The following RNF138 variants were observed in gnomAD, a reference collection of about 807,000 sequenced individuals.
The protein encoded by RNF138 is E3 ubiquitin-protein ligase RNF138.
A neutral mutation model predicts 31.0 loss-of-function variants in RNF138; 12 were observed. The observed-to-expected ratio is 0.39, with a 90% CI of 0.25 to 0.63. The LOEUF is 0.63. RNF138 is among the 20% of genes least tolerant of loss of function. The pLI, the probability that RNF138 is intolerant of heterozygous loss-of-function variation, is 0.52. For missense variants in RNF138, 192 were observed against 300.1 expected (o/e 0.64, Z 2.66); for synonymous variants, 105 against 99.5 (o/e 1.06, Z -0.33).
intron 6 of RNF138, among the ~76,000 whole-genome samples, chr18:32,126,360 G>A (rs1472208132): frequency 6.6e-6 from 1 of 152,202 alleles, no homozygotes; most frequent in African/African-American, 2.4e-5. Context: ...GATCAAATGA[G>A]ATAATATATT....
At chr18:32,096,889 C>A (rs1347543874) in intron 2 of RNF138, among the ~76,000 whole-genome samples, 1 of 152,082 alleles carries the variant, frequency 6.6e-6, no homozygotes, top group Non-Finnish European at 1.5e-5. Context: ...CACCACCATG[C>A]CTGGCTATTA....
rs1021755002 is a variant in RNF138, at chr18:32,130,811, A to AACAT, written c.*1627_*1630dup. ...ACAAGAAAAGCCATACATCTTAATGAACATACGCCTTTGTTCTGTCATTTT... is the reference window on the plus strand; with the variant it reads ...ACAAGAAAAGCCATACATCTTAATGAACATACATACGCCTTTGTTCTGTCATTTT... On this transcript the variant is annotated 3_prime_UTR_variant, in exon 8 of 8. Transcript: ENST00000261593. 1 of 152,520 alleles carries AACAT rather than the reference A, an allele frequency of 6.6e-6. No homozygotes were observed. The highest frequency in any genetic ancestry group is 1.5e-5 in the Non-Finnish European group (1 of 67,918). 9.4% of individuals were successfully genotyped at this position (152,520 alleles called of 1,614,324 possible). A position where few individuals can be genotyped will look rare whatever the true frequency, so the allele number is the denominator to read the frequency against.
chr18:32,102,404 T>G (rs2039959500), intron 2 of RNF138, among the ~76,000 whole-genome samples: 1 of 151,438 alleles, frequency 6.6e-6, no homozygotes, highest in Admixed American at 6.6e-5. Flanking sequence ...GGTTTCACCA[T>G]GTTAGCTGGG....
At chr18:32,129,091 C>G in intron 7 of RNF138, 28 bp from the exon 8 acceptor site, 1 of 1,508,762 alleles carries the variant, frequency 6.6e-7, no homozygotes, top group Non-Finnish European at 9.2e-7. Flanking sequence ...TATGTTTTTC[C>G]TGTTGACATG....
rs546017100 is a variant in RNF138, at chr18:32,112,553, C to T, written c.276+634C>T. ...ATAAAAAATCAGCCAGGTGTGGTGG[C>T]GCATGCCTATAATCCCAGCTACTTG... On this transcript the variant is annotated intron_variant, in intron 3 of 7. Transcript: ENST00000261593. Among the ~76,000 whole-genome samples the T allele has an allele frequency of 5.4e-4, 82 of 152,202 alleles. 2 individuals carry two copies. The highest frequency in any genetic ancestry group is 6.8e-3 in the Middle Eastern group (2 of 294).
chr18:32,105,051 A>C (rs2040006233), intron 2 of RNF138, among the ~76,000 whole-genome samples: 1 of 152,200 alleles, frequency 6.6e-6, no homozygotes, highest in South Asian at 2.1e-4. Flanking sequence ...GTATTATTAA[A>C]TTAAAAATAT....
At chr18:32,115,780 C>T (rs1284619806) in intron 4 of RNF138, among the ~76,000 whole-genome samples, 3 of 152,070 alleles carry the variant, frequency 2.0e-5, no homozygotes, top group Non-Finnish European at 4.4e-5. Flanking sequence ...CACGCACGCA[C>T]ACACACACTT....
At chr18:32,126,488 T>G (rs955233292) in intron 6 of RNF138, among the ~76,000 whole-genome samples, 9 of 152,210 alleles carry the variant, frequency 5.9e-5, no homozygotes, top group Non-Finnish European at 8.8e-5. Context: ...GAATAGAATG[T>G]CTAAGATTTC....
At chr18:32,122,927 A>T (rs1303464902) in intron 4 of RNF138, among the ~76,000 whole-genome samples, 10 of 152,234 alleles carry the variant, frequency 6.6e-5, no homozygotes, top group African/African-American at 2.4e-4. Context: ...TTCCCTCAGG[A>T]TTCCTCTGAT....
At chr18:32,111,723 TG>T in intron 2 of RNF138, 30 bp from the exon 3 acceptor site, 1 of 1,573,332 alleles carries the variant, frequency 6.4e-7, no homozygotes, top group African/African-American at 1.4e-5. Flanking sequence ...TAATTTTTTT[TG>T]TAATTAATGT....
intron 3 of RNF138, 43 bp downstream of exon 3, chr18:32,111,962 C>T: frequency 9.1e-6 from 13 of 1,432,600 alleles, no homozygotes; most frequent in South Asian, 2.9e-5. Context: ...AGCCAAGTTT[C>T]TACTCTGAAA....
intron 2 of RNF138, among the ~76,000 whole-genome samples, chr18:32,105,426 C>G (rs2040012718): frequency 6.6e-6 from 1 of 152,268 alleles, no homozygotes; most frequent in Non-Finnish European, 1.5e-5. Context: ...AGATAAATGA[C>G]TAGAATATAC....
At chr18:32,111,060 G>A (rs552471292) in intron 2 of RNF138, among the ~76,000 whole-genome samples, 4 of 152,332 alleles carry the variant, frequency 2.6e-5, no homozygotes, top group Non-Finnish European at 4.4e-5. Flanking sequence ...GATTACAGGC[G>A]TGAGCCACCG....
At chr18:32,122,050 G>T (rs1488878738) in intron 4 of RNF138, among the ~76,000 whole-genome samples, 2 of 152,002 alleles carry the variant, frequency 1.3e-5, no homozygotes, top group African/African-American at 2.4e-5. Context: ...TGTATTTTTA[G>T]TAGAGACGGG....
At chr18:32,094,647 G>C (rs2039772414) in intron 2 of RNF138, among the ~76,000 whole-genome samples, 1 of 151,938 alleles carries the variant, frequency 6.6e-6, no homozygotes, top group Non-Finnish European at 1.5e-5. Context: ...GCACAATATA[G>C]ATCTTCCACC....
At chr18:32,119,906 T>G (rs1369138927) in intron 4 of RNF138, among the ~76,000 whole-genome samples, 1 of 152,174 alleles carries the variant, frequency 6.6e-6, no homozygotes, top group African/African-American at 2.4e-5. Context: ...TAATCTTGTT[T>G]TCAGCAGCTT....
intron 2 of RNF138, among the ~76,000 whole-genome samples, chr18:32,104,781 TAGAA>T (rs1201637215): frequency 6.6e-6 from 1 of 152,184 alleles, no homozygotes; most frequent in Non-Finnish European, 1.5e-5. Context: ...CATTTATGGT[TAGAA>T]AGATTTAATA....
chr18:32,098,600 C>A (rs977332990), intron 2 of RNF138, among the ~76,000 whole-genome samples: 6 of 152,062 alleles, frequency 3.9e-5, no homozygotes, highest in African/African-American at 1.4e-4. Flanking sequence ...CGCCTGTCAT[C>A]CCAGCACTTT....
chr18:32,128,129 C>T (rs1341092431), intron 7 of RNF138, among the ~76,000 whole-genome samples: 1 of 151,950 alleles, frequency 6.6e-6, no homozygotes, highest in African/African-American at 2.4e-5. Context: ...AAATAGAGGC[C>T]TTGATTTTAA....
Sources: gnomAD v4.1 joint callset for allele counts (sites outside exome capture counted in the v4.1 genomes callset) on GRCh38, gnomAD v4.1.1 for gene constraint, MANE v1.5 for transcripts, NCBI Gene and HGNC (gene_info 2026-07-23, HGNC 2026-07-21) for gene names.